ALCAM: variants seen among roughly 807,000 people sequenced by gnomAD.
ALCAM encodes activated leukocyte cell adhesion molecule.
Under a neutral mutation model 70.9 loss-of-function variants are expected in ALCAM, and 30 were observed. The observed-to-expected ratio is 0.42, with a 90% confidence interval of 0.32 to 0.57. The LOEUF is 0.57. Among genes scored for constraint, ALCAM ranks in the 20% least tolerant of loss-of-function variants. The pLI is 0.11. For synonymous variants in ALCAM, 249 were observed against 242.5 expected, an observed-to-expected ratio of 1.03 and a Z score of -0.25; for missense variants, 591 against 695.1, an observed-to-expected ratio of 0.85 and a Z score of 1.68.
intron 7 of ALCAM, 35 bp downstream of exon 7, chr3:105,540,137 A>G (rs1482549945): frequency 2.5e-6 from 4 of 1,593,444 alleles, no homozygotes; most frequent in African/African-American, 1.3e-5. Flanking sequence ...TTGGATGACT[A>G]TCATTTTTCC....
intron 1 of ALCAM, among the ~76,000 whole-genome samples, chr3:105,418,940 C>A (rs1936575377): frequency 6.6e-6 from 1 of 151,694 alleles, no homozygotes; most frequent in African/African-American, 2.4e-5. Context: ...TTCTTTCTTA[C>A]AAATAAACCT....
At chr3:105,407,773 T>C (rs886766348) in intron 1 of ALCAM, among the ~76,000 whole-genome samples, 1 of 152,160 alleles carries the variant, frequency 6.6e-6, no homozygotes, top group Non-Finnish European at 1.5e-5. Context: ...AGTCAAACTG[T>C]CACTGTGTGC....
At chr3:105,456,953 CAA>C (rs879644235) in intron 1 of ALCAM, among the ~76,000 whole-genome samples, 15 of 152,104 alleles carry the variant, frequency 9.9e-5, no homozygotes, top group Admixed American at 9.8e-4. Flanking sequence ...GTAGCACATG[CAA>C]AGTTTAAACT....
At chr3:105,458,630 T>C (rs568536509) in intron 1 of ALCAM, among the ~76,000 whole-genome samples, 148 of 152,314 alleles carry the variant, frequency 9.7e-4, no homozygotes, top group African/African-American at 3.5e-3. Context: ...TAAAATTATC[T>C]AAGTAAAAAT....
chr3:105,534,732 A>G lies in ALCAM; in HGVS notation c.617A>G (p.Glu206Gly). The change falls in exon 6 of 16, where the codon GAG (glutamate) becomes GGG (glycine). Residue 206 changes from glutamate (E) to glycine (G), a missense_variant. Physicochemically the swap from Glu to Gly is moderately conservative, Grantham distance 98. Transcript: ENST00000306107. ...CTCTATACCATGACTTCCACCCTGG[A>G]GTACAAGACAACCAAGGCTGACATA... is the stretch of plus-strand genomic sequence containing the variant. ...TQLYTMTSTL[E>G]YKTTKADIQM... The G allele has an allele frequency of 6.2e-7, 1 of 1,613,814 alleles. No homozygotes were observed. Among genetic ancestry groups the G allele is most frequent in the Non-Finnish European group, 8.5e-7 (1 of 1,179,786 alleles).
intron 1 of ALCAM, among the ~76,000 whole-genome samples, chr3:105,383,937 G>A (rs769522697): frequency 1.7e-4 from 26 of 151,430 alleles, no homozygotes; most frequent in African/African-American, 3.6e-4. Flanking sequence ...TTTGGATCAC[G>A]GCATTTCTCA....
chr3:105,552,144 T>C lies in ALCAM; in HGVS notation c.1508T>C (p.Ile503Thr), dbSNP rs1190224781. The C allele has an allele frequency of 6.3e-7, 1 of 1,597,602 alleles. No homozygotes were observed. ...TTCATATTAACATTTTTCATTTCAGTAAGTATTCCAGAACACGATGAGGCA... is the reference window on the plus strand; with the variant it reads ...TTCATATTAACATTTTTCATTTCAGCAAGTATTCCAGAACACGATGAGGCA... ...RTVNSLNVSA[I>T]SIPEHDEADE... Residue 503 changes from isoleucine (I) to threonine (T), a missense_variant and splice_region_variant, in exon 13 of 16, where the codon ATA becomes ACA. Around this residue, in one of 2 missense-constraint regions of ALCAM, gnomAD observed 164 missense variants for 244.7 expected, o/e 0.67. Coordinates refer to ENST00000306107, the MANE Select transcript of ALCAM (RefSeq NM_001627.4).
intron 1 of ALCAM, among the ~76,000 whole-genome samples, chr3:105,400,407 G>A (rs941091765): frequency 6.6e-6 from 1 of 152,064 alleles, no homozygotes; most frequent in Non-Finnish European, 1.5e-5. Context: ...ATGAAATATT[G>A]TAAAAGAAAT....
Position 105,532,009 on chromosome 3 carries a change from A to T in ALCAM, c.402A>T (p.Pro134=). The change falls in exon 4 of 16, where the codon CCA becomes CCT. Residue 134 remains proline, a synonymous_variant. Transcript: ENST00000306107. Reference sequence around the variant, plus strand: ...TTCTCTGCTTAACTTTAGAGCAACCATCTAAACCTGAAATTGTAAGCAAAG... The same window carrying T: ...TTCTCTGCTTAACTTTAGAGCAACCTTCTAAACCTGAAATTGTAAGCAAAG... ...APTIVKVFKQ[P]SKPEIVSKAL... The T allele has an allele frequency of 6.2e-7, 1 of 1,613,260 alleles. No individual in the cohort carries two copies. Among genetic ancestry groups the T allele is most frequent in the African/African-American group, 1.3e-5 (1 of 75,016 alleles).
At chr3:105,431,292 T>C (rs1483047027) in intron 1 of ALCAM, among the ~76,000 whole-genome samples, 1 of 152,072 alleles carries the variant, frequency 6.6e-6, no homozygotes, top group Non-Finnish European at 1.5e-5. Flanking sequence ...TGGGTTAAGT[T>C]TGGCTGACTT....
chr3:105,507,289 T>A (rs542701192), intron 1 of ALCAM, among the ~76,000 whole-genome samples: 1 of 152,258 alleles, frequency 6.6e-6, no homozygotes, highest in South Asian at 2.1e-4. Context: ...TTGACTATAG[T>A]CCCTAGCTTA....
intron 1 of ALCAM, among the ~76,000 whole-genome samples, chr3:105,368,239 G>GAGAGAGAGAA (rs1333407694): frequency 6.7e-6 from 1 of 149,472 alleles, no homozygotes; most frequent in Non-Finnish European, 1.5e-5. Context: ...GAGAGAGAGA[G>GAGAGAGAGAA]AGAGAGAGAG....
intron 1 of ALCAM, among the ~76,000 whole-genome samples, chr3:105,438,428 A>G (rs1348006391): frequency 6.6e-6 from 1 of 152,158 alleles, no homozygotes; most frequent in East Asian, 1.9e-4. Context: ...AAAGTCTCAG[A>G]AAAACATGAA....
chr3:105,425,060 A>G (rs1269737564), intron 1 of ALCAM, among the ~76,000 whole-genome samples: 2 of 147,452 alleles, frequency 1.4e-5, no homozygotes, highest in Non-Finnish European at 3.1e-5. Context: ...CCATTTAGCT[A>G]TTTTGATTCT....
At chr3:105,459,632 G>A (rs1437963678) in intron 1 of ALCAM, among the ~76,000 whole-genome samples, 1 of 151,994 alleles carries the variant, frequency 6.6e-6, no homozygotes, top group Non-Finnish European at 1.5e-5. Context: ...AGATCAGGGA[G>A]TTATTACTCA....
intron 1 of ALCAM, among the ~76,000 whole-genome samples, chr3:105,421,041 A>G (rs990687710): frequency 4.0e-5 from 6 of 151,520 alleles, no homozygotes; most frequent in African/African-American, 2.4e-5. Context: ...AAAATGATCT[A>G]TAGTAAATAT....
chr3:105,506,688 A>AG (rs984266906), intron 1 of ALCAM, among the ~76,000 whole-genome samples: 4 of 152,206 alleles, frequency 2.6e-5, no homozygotes, highest in African/African-American at 9.6e-5. Flanking sequence ...ATATTCAGTT[A>AG]GGGGAATTTT....
chr3:105,371,245 G>T (rs1464230179), intron 1 of ALCAM, among the ~76,000 whole-genome samples: 2 of 152,200 alleles, frequency 1.3e-5, no homozygotes, highest in East Asian at 3.9e-4. Flanking sequence ...CATGTGTTCA[G>T]TTTCTAACTA....
chr3:105,520,317 C>A, intron 2 of ALCAM, 150 bp downstream of exon 2: 1 of 558,996 alleles, frequency 1.8e-6, no homozygotes. Flanking sequence ...TGGAATATGG[C>A]AAAAAAATAA....
Sources: gnomAD v4.1 joint callset for allele counts (sites outside exome capture counted in the v4.1 genomes callset) on GRCh38, gnomAD v4.1.1 for gene constraint, gnomAD v4.1.1 regional missense constraint, MANE v1.5 for transcripts, NCBI Gene and HGNC (gene_info 2026-07-23, HGNC 2026-07-21) for gene names.